Variants in HYAL4 observed in about 807,000 individuals in gnomAD.
The protein encoded by HYAL4 is hyaluronidase-4.
A neutral mutation model predicts 35.2 loss-of-function variants in HYAL4; 37 were observed. The ratio of observed to expected loss-of-function variants is 1.05; its 90% CI spans 0.81 to 1.38. HYAL4 has a LOEUF of 1.38. Among genes scored for constraint, HYAL4 ranks in the 40% most tolerant of loss-of-function variants. The pLI is 0.00. For missense variants in HYAL4, 572 were observed against 572.4 expected (o/e 1.00, Z 0.01); for synonymous variants, 198 against 203.2 (o/e 0.97, Z 0.22).
the HYAL4 span, among the ~76,000 whole-genome samples, chr7:123,781,841 T>C: frequency 1.3e-5 from 2 of 152,202 alleles, no homozygotes; most frequent in Admixed American, 1.3e-4. Flanking sequence ...AATCAAATTG[T>C]GGCTTTCCTG....
At chr7:123,799,053 A>G in the HYAL4 span, among the ~76,000 whole-genome samples, 6 of 152,182 alleles carry the variant, frequency 3.9e-5, no homozygotes, top group East Asian at 1.9e-4. Context: ...GAAGGGGGCA[A>G]TCATACAAGC....
intron 2 of HYAL4, among the ~76,000 whole-genome samples, chr7:123,858,400 C>T (rs935519911): frequency 3.9e-5 from 6 of 151,996 alleles, no homozygotes; most frequent in Non-Finnish European, 8.8e-5. Context: ...TGCCAAAAGG[C>T]GTTACAAACT....
chr7:123,788,855 T>C, the HYAL4 span, among the ~76,000 whole-genome samples: 1 of 152,224 alleles, frequency 6.6e-6, no homozygotes, highest in South Asian at 2.1e-4. Context: ...ATTCCTTCAT[T>C]AAAAATGTAA....
chr7:123,876,810 C>T lies in HYAL4; in HGVS notation c.1101C>T (p.Ala367=). 1 of 1,614,114 alleles carries T rather than the reference C, an allele frequency of 6.2e-7. No individual in the cohort carries two copies. Among genetic ancestry groups the T allele is most frequent in the African/African-American group, 1.3e-5 (1 of 75,032 alleles). The stretch of plus-strand genomic sequence containing the variant: ...GTTCTGATTTAGGGAGCTACATAGC[C>T]AATGTGACCAGAGCTGCTGAGGTAT... ...FVSSDLGSYI[A]NVTRAAEVCS... The change falls in exon 5 of 5, where the codon GCC becomes GCT. Residue 367 remains alanine, a synonymous_variant. Coordinates refer to ENST00000223026, the MANE Select transcript of HYAL4 (RefSeq NM_012269.3).
chr7:123,812,070 G>A, the HYAL4 span, among the ~76,000 whole-genome samples: 1 of 152,182 alleles, frequency 6.6e-6, no homozygotes, highest in South Asian at 2.1e-4. Flanking sequence ...TCAAACTCCT[G>A]ACCTCGTGAT....
the HYAL4 span, among the ~76,000 whole-genome samples, chr7:123,779,206 A>T: frequency 6.6e-6 from 1 of 152,320 alleles, no homozygotes; most frequent in South Asian, 2.1e-4. Flanking sequence ...ACATCAATAG[A>T]TATAGCCCAC....
At chr7:123,867,805 T>C (rs974580738) in intron 2 of HYAL4, among the ~76,000 whole-genome samples, 1 of 152,194 alleles carries the variant, frequency 6.6e-6, no homozygotes, top group South Asian at 2.1e-4. Flanking sequence ...GTTTCCCCAT[T>C]TGTAAAATGG....
chr7:123,811,958 C>T, the HYAL4 span, among the ~76,000 whole-genome samples: 3 of 152,102 alleles, frequency 2.0e-5, no homozygotes, highest in African/African-American at 7.2e-5. Flanking sequence ...TCTCCTGCCT[C>T]AGCCTCCTGA....
the HYAL4 span, among the ~76,000 whole-genome samples, chr7:123,806,182 A>G: frequency 2.0e-5 from 3 of 152,158 alleles, no homozygotes; most frequent in African/African-American, 7.2e-5. Context: ...TACAGAGATC[A>G]ATCAAATTAT....
At chr7:123,847,240 A>G (rs1562995397) in intron 1 of HYAL4, among the ~76,000 whole-genome samples, 1 of 152,068 alleles carries the variant, frequency 6.6e-6, no homozygotes, top group African/African-American at 2.4e-5. Context: ...TTTCTGAGAT[A>G]TACTTTTAGT....
the HYAL4 span, among the ~76,000 whole-genome samples, chr7:123,817,010 G>A: frequency 4.6e-5 from 7 of 152,292 alleles, no homozygotes; most frequent in Non-Finnish European, 1.5e-5. Context: ...GAACATAAAT[G>A]CCAGTATTGC....
intron 1 of HYAL4, among the ~76,000 whole-genome samples, chr7:123,829,453 T>C (rs1805848841): frequency 6.6e-6 from 1 of 152,164 alleles, no homozygotes; most frequent in Non-Finnish European, 1.5e-5. Context: ...TCCCAAAATA[T>C]GTATTGACTT....
chr7:123,869,183 A>G lies in HYAL4; in HGVS notation c.910A>G (p.Thr304Ala). Reference protein sequence around the residue: ...HDYALPVFVYTRLGYRDEPLF... With the variant: ...HDYALPVFVYARLGYRDEPLF... ...TTATGCTCTGCCTGTATTTGTCTACACAAGGCTAGGGTACAGAGATGAACC... is the reference window on the plus strand; with the variant it reads ...TTATGCTCTGCCTGTATTTGTCTACGCAAGGCTAGGGTACAGAGATGAACC... The change falls in exon 3 of 5, where the codon ACA becomes GCA. Residue 304 changes from threonine (T) to alanine (A), a missense_variant. Transcript: ENST00000223026. 1.9e-6 allele frequency: 3 copies of G among 1,613,990 alleles called. No homozygotes were observed. Among genetic ancestry groups the G allele is most frequent in the Non-Finnish European group, 2.5e-6 (3 of 1,179,982 alleles).
chr7:123,805,183 C>T, the HYAL4 span, among the ~76,000 whole-genome samples: 3 of 152,178 alleles, frequency 2.0e-5, no homozygotes, highest in African/African-American at 7.2e-5. Context: ...AGTTTTGAAT[C>T]TTCTTTTGTC....
At chr7:123,805,973 GA>G in the HYAL4 span, among the ~76,000 whole-genome samples, 1 of 151,988 alleles carries the variant, frequency 6.6e-6, no homozygotes, top group Admixed American at 6.6e-5. Flanking sequence ...CAGCTTGGGT[GA>G]CAACAGGGAG....
chr7:123,784,636 T>G, the HYAL4 span, among the ~76,000 whole-genome samples: 1 of 152,234 alleles, frequency 6.6e-6, no homozygotes, highest in South Asian at 2.1e-4. Flanking sequence ...TGCAGTAACT[T>G]TATTTAGCAA....
the HYAL4 span, among the ~76,000 whole-genome samples, chr7:123,807,065 G>A: frequency 2.0e-5 from 3 of 152,096 alleles, no homozygotes; most frequent in African/African-American, 7.2e-5. Context: ...CAGATTTAAA[G>A]CTTATGTGAT....
Position 123,876,906 on chromosome 7 carries a change from C to T in HYAL4, c.1197C>T (p.His399=), listed in dbSNP as rs773984267. The change falls in exon 5 of 5, where the codon CAC becomes CAT. Residue 399 remains histidine (H), a synonymous_variant. Coordinates refer to ENST00000223026, the MANE Select transcript of HYAL4 (RefSeq NM_012269.3). Reference sequence around the variant, plus strand: ...TGTGGAACGCGCCCAGTTACCTTCACTTGAACCCTGCAAGTTACCACATAG... The same window carrying T: ...TGTGGAACGCGCCCAGTTACCTTCATTTGAACCCTGCAAGTTACCACATAG... ...RKMWNAPSYL[H]LNPASYHIEA... 6.2e-6 allele frequency: 10 copies of T among 1,614,066 alleles called. No individual in the cohort carries two copies. The African/African-American group carries it at 1.1e-4, about 17-fold the overall frequency.
the HYAL4 span, among the ~76,000 whole-genome samples, chr7:123,779,932 T>C: frequency 6.6e-6 from 1 of 152,098 alleles, no homozygotes; most frequent in South Asian, 2.1e-4. Context: ...CAAATACACA[T>C]AAAAAACTAT....
Sources: allele counts gnomAD v4.1 joint callset (sites outside exome capture counted in the v4.1 genomes callset), GRCh38; gene constraint gnomAD v4.1.1; transcripts MANE v1.5; gene names NCBI Gene and HGNC (gene_info 2026-07-23, HGNC 2026-07-21).